Variants in PAG1 observed in about 807,000 individuals in gnomAD.
The protein encoded by PAG1 is phosphoprotein membrane anchor with glycosphingolipid microdomains 1.
Under a neutral mutation model 31.7 loss-of-function variants are expected in PAG1, and 23 were observed. That is an observed-to-expected ratio of 0.73 (90% CI 0.52 to 1.03). PAG1 has a LOEUF of 1.03. Ranked by LOEUF, PAG1 falls within the 50% of genes least tolerant of loss-of-function variation. The pLI, the probability that PAG1 is intolerant of heterozygous loss-of-function variation, is 0.00. For synonymous variants in PAG1, 214 were observed against 210.3 expected, an observed-to-expected ratio of 1.02 and a Z score of -0.15; for missense variants, 473 against 540.7, an observed-to-expected ratio of 0.87 and a Z score of 1.24.
chr8:81,062,874 T>C (rs1161435723), intron 2 of PAG1, among the ~76,000 whole-genome samples: 3 of 152,174 alleles, frequency 2.0e-5, no homozygotes, highest in Non-Finnish European at 2.9e-5. Flanking sequence ...CATAATTAAA[T>C]TTCACTATGG....
chr8:81,059,731 C>T (rs78399071), intron 2 of PAG1, among the ~76,000 whole-genome samples: 2 of 152,258 alleles, frequency 1.3e-5, no homozygotes, highest in East Asian at 3.9e-4. Context: ...CTTTAAAAGC[C>T]TACGTATTTT....
At position 80,997,391 on chromosome 8, in the gene PAG1, C is replaced by T. The variant is rs140101623; in HGVS notation, c.-80-4084G>A. Among the ~76,000 whole-genome samples, 1,044 of 152,300 alleles carry T rather than the reference C, an allele frequency of 6.9e-3. 5 individuals carry two copies. Among genetic ancestry groups the T allele is most frequent in the African/African-American group, 0.024 (998 of 41,562 alleles). On this transcript the variant is annotated intron_variant, in intron 3 of 8. Coordinates refer to ENST00000220597, the MANE Select transcript of PAG1 (RefSeq NM_018440.4). ...AATCAAGCAATGCTCCCACCGCTGC[C>T]TCTTGAGTAGCTGGGAACACAGGCA...
intron 1 of PAG1, among the ~76,000 whole-genome samples, chr8:81,090,655 G>C (rs1412337571): frequency 6.6e-6 from 1 of 152,202 alleles, no homozygotes; most frequent in Non-Finnish European, 1.5e-5. Flanking sequence ...TGGCCAATCA[G>C]GATCAGCTTC....
intron 2 of PAG1, among the ~76,000 whole-genome samples, chr8:81,068,335 G>A (rs1162567273): frequency 6.6e-6 from 1 of 152,208 alleles, no homozygotes; most frequent in East Asian, 1.9e-4. Flanking sequence ...ACATCATAAA[G>A]TCGCTACTAT....
intron 2 of PAG1, among the ~76,000 whole-genome samples, chr8:81,063,399 C>T (rs748946031): frequency 4.6e-5 from 7 of 152,174 alleles, no homozygotes; most frequent in Non-Finnish European, 8.8e-5. Flanking sequence ...GAGCTCTCTG[C>T]GACTGAACAG....
intron 3 of PAG1, among the ~76,000 whole-genome samples, chr8:81,020,853 G>A (rs1016605808): frequency 3.9e-5 from 6 of 152,168 alleles, no homozygotes; most frequent in Admixed American, 3.9e-4. Context: ...TAAACTCTAT[G>A]CTGTAATCAC....
rs181005947 is a variant in PAG1, at chr8:81,059,680, C to G, written c.-175+10432G>C. Among the ~76,000 whole-genome samples, 31 of 152,246 alleles carry G rather than the reference C, an allele frequency of 2.0e-4. No individual in the cohort carries two copies. In the East Asian group the frequency reaches 3.3e-3, roughly 16 times the overall value. ...GTCTATTATCTCCCCATAGCTAAAT[C>G]AGCCTCTGCAAAAAGGTCTCCCTAA... On this transcript the variant is annotated intron_variant, in intron 2 of 8. Coordinates refer to ENST00000220597, the MANE Select transcript of PAG1 (RefSeq NM_018440.4).
chr8:81,084,415 A>G (rs1809319757), intron 1 of PAG1, among the ~76,000 whole-genome samples: 1 of 152,216 alleles, frequency 6.6e-6, no homozygotes, highest in African/African-American at 2.4e-5. Context: ...ATACTTTAAG[A>G]AAAACTTCAA....
In PAG1 at chr8:80,967,934, T is replaced by A. The variant is rs754094804; in HGVS notation, c.*8610A>T. 1 of 152,230 alleles carries A rather than the reference T, an allele frequency of 6.6e-6. No homozygotes were observed. Among genetic ancestry groups the A allele is most frequent in the Non-Finnish European group, 1.5e-5 (1 of 68,044 alleles). The allele number at this position is 152,230 out of a possible 1,614,324, so 9.4% of individuals were successfully genotyped here. A position where few individuals can be genotyped will look rare whatever the true frequency, so the allele number is the denominator to read the frequency against. On this transcript the variant is annotated 3_prime_UTR_variant, in exon 9 of 9. Transcript: ENST00000220597. ...TTTTATATATAGCTTGAATAAGTTT[T>A]ATTACATGTAAACTATAAGATATTA...
At chr8:81,101,989 G>A (rs959328444) in intron 1 of PAG1, among the ~76,000 whole-genome samples, 4 of 152,078 alleles carry the variant, frequency 2.6e-5, no homozygotes, top group African/African-American at 7.2e-5. Flanking sequence ...TCTTGGAAGT[G>A]ATTAATAAAT....
At chr8:81,018,946 G>T (rs538657934) in intron 3 of PAG1, among the ~76,000 whole-genome samples, 9 of 152,316 alleles carry the variant, frequency 5.9e-5, no homozygotes, top group African/African-American at 1.7e-4. Flanking sequence ...GGCAAAGTTT[G>T]GAACTTCCTA....
intron 1 of PAG1, among the ~76,000 whole-genome samples, chr8:81,074,589 G>C (rs2130987536): frequency 6.6e-6 from 1 of 152,208 alleles, no homozygotes. Context: ...CTTAAAGTAT[G>C]GTCCCAGACC....
chr8:80,985,509 T>C, intron 6 of PAG1, 132 bp from the exon 7 acceptor site: 9 of 853,948 alleles, frequency 1.1e-5, no homozygotes, highest in Non-Finnish European at 1.6e-5. Context: ...CAAATTATAG[T>C]TGTTATGACC....
chr8:81,035,876 C>T (rs974897017), intron 2 of PAG1, among the ~76,000 whole-genome samples: 1 of 152,034 alleles, frequency 6.6e-6, no homozygotes, highest in South Asian at 2.1e-4. Context: ...CACATATATA[C>T]ACATGTGTAT....
At chr8:81,092,761 A>C (rs546180076) in intron 1 of PAG1, among the ~76,000 whole-genome samples, 1 of 152,392 alleles carries the variant, frequency 6.6e-6, no homozygotes, top group African/African-American at 2.4e-5. Flanking sequence ...CTATGTCATA[A>C]GGACATGGGT....
Position 81,094,665 on chromosome 8 carries a change from A to G in PAG1, c.-234+16926T>C, listed in dbSNP as rs796975222. ...GAACTTAAAATTCTAGCTTTGAGGG[A>G]AAAAAAAATTAAACTTCTTCAGAAA... On this transcript the variant is annotated intron_variant, in intron 1 of 8. Coordinates refer to ENST00000220597, the MANE Select transcript of PAG1 (RefSeq NM_018440.4). 2.8e-4 allele frequency among the ~76,000 whole-genome samples: 43 copies of G among 151,632 alleles called. 1 individual carries two copies. The highest frequency in any genetic ancestry group is 8.2e-4 in the African/African-American group (34 of 41,390).
At chr8:81,103,815 GTGTT>G (rs2131122663) in intron 1 of PAG1, among the ~76,000 whole-genome samples, 1 of 152,182 alleles carries the variant, frequency 6.6e-6, no homozygotes, top group South Asian at 2.1e-4. Context: ...CTCTTTCAGT[GTGTT>G]TATTTTGTGG....
chr8:81,007,124 G>A (rs1465369894), intron 3 of PAG1, among the ~76,000 whole-genome samples: 3 of 152,142 alleles, frequency 2.0e-5, no homozygotes, highest in Non-Finnish European at 4.4e-5. Flanking sequence ...CAACAGAGAG[G>A]CAGAGAGAGA....
At chr8:81,099,991 A>C (rs1481770898) in intron 1 of PAG1, among the ~76,000 whole-genome samples, 1 of 152,252 alleles carries the variant, frequency 6.6e-6, no homozygotes, top group Non-Finnish European at 1.5e-5. Context: ...AAATTTAAAA[A>C]GACAATAAAT....
Sources: gnomAD v4.1 joint callset for allele counts (sites outside exome capture counted in the v4.1 genomes callset) on GRCh38, gnomAD v4.1.1 for gene constraint, MANE v1.5 for transcripts, NCBI Gene and HGNC (gene_info 2026-07-23, HGNC 2026-07-21) for gene names.